ST3GAL2: variants seen among roughly 807,000 people sequenced by gnomAD.
The protein encoded by ST3GAL2 is CMP-N-acetylneuraminate-beta-galactosamide-alpha-2,3-sialyltransferase 2.
A neutral mutation model predicts 37.5 loss-of-function variants in ST3GAL2; 16 were observed. That is an observed-to-expected ratio of 0.43 (90% CI 0.29 to 0.65). The LOEUF (loss-of-function observed/expected upper bound fraction) is 0.65. Among genes scored for constraint, ST3GAL2 ranks in the 30% least tolerant of loss-of-function variants. The probability of loss-of-function intolerance (pLI) is 0.17; values close to 1 mark genes in which losing one functional copy is unlikely to be tolerated. For missense variants in ST3GAL2, 383 were observed against 487.8 expected (o/e 0.79, Z 2.02); for synonymous variants, 238 against 202.9 (o/e 1.17, Z -1.47).
intron 1 of ST3GAL2, among the ~76,000 whole-genome samples, chr16:70,402,283 C>CAAAAAAA (rs1042560583): frequency 4.9e-5 from 2 of 40,708 alleles, no homozygotes; most frequent in South Asian, 9.4e-4. Flanking sequence ...AACTATTTCT[C>CAAAAAAA]AAAAAAAAAA....
At chr16:70,417,184 G>C (rs1209925486) in intron 1 of ST3GAL2, among the ~76,000 whole-genome samples, 1 of 152,196 alleles carries the variant, frequency 6.6e-6, no homozygotes, top group East Asian at 1.9e-4. Context: ...CATGGCTATG[G>C]TCATGGGTTG....
chr16:70,395,231 G>A, intron 2 of ST3GAL2, 56 bp from the exon 3 acceptor site: 4 of 1,530,838 alleles, frequency 2.6e-6, no homozygotes, highest in Non-Finnish European at 3.5e-6. Flanking sequence ...TGTGAAGAAG[G>A]AGGGGCCCCG....
chr16:70,415,690 G>T (rs1373526506), intron 1 of ST3GAL2, among the ~76,000 whole-genome samples: 1 of 151,152 alleles, frequency 6.6e-6, no homozygotes, highest in Admixed American at 6.6e-5. Context: ...GACTTCAAGT[G>T]ATCTACCCAC....
rs562323073 is a variant in ST3GAL2, at chr16:70,414,673, TTC to T, written c.-1003-15142_-1003-15141del. On this transcript the variant is annotated intron_variant, in intron 1 of 6. Coordinates refer to ENST00000342907, the MANE Select transcript of ST3GAL2 (RefSeq NM_006927.4). Reference sequence around the variant, plus strand: ...GTTACTTTTCATTTCCAGGCCAAGATTCTGTTTGTTTATTTTTGAGATAGAGT... The same window carrying T: ...GTTACTTTTCATTTCCAGGCCAAGATTGTTTGTTTATTTTTGAGATAGAGT... Among the ~76,000 whole-genome samples, 464 of 152,136 alleles carry T rather than the reference TTC, an allele frequency of 3.0e-3. 6 individuals are homozygous for T. Among genetic ancestry groups the T allele is most frequent in the African/African-American group, 0.01 (433 of 41,510 alleles).
At chr16:70,407,494 T>A (rs1292510122) in intron 1 of ST3GAL2, among the ~76,000 whole-genome samples, 1 of 152,100 alleles carries the variant, frequency 6.6e-6, no homozygotes, top group Non-Finnish European at 1.5e-5. Context: ...GGGGAGACCA[T>A]TTATCAATAA....
Position 70,388,563 on chromosome 16 carries a change from G to A in ST3GAL2, c.534-17C>T. On this transcript the variant is annotated splice_polypyrimidine_tract_variant and intron_variant, in intron 3 of 6. Transcript: ENST00000342907. ...TGATTCATCCTGCAGGGACAAGAGGGTGACATGAGAATCAACTGCCATGGA... is the reference window on the plus strand; with the variant it reads ...TGATTCATCCTGCAGGGACAAGAGGATGACATGAGAATCAACTGCCATGGA... 1 of 1,549,254 alleles carries A rather than the reference G, an allele frequency of 6.5e-7. No individual in the cohort carries two copies.
intron 1 of ST3GAL2, among the ~76,000 whole-genome samples, chr16:70,418,643 C>T (rs575720654): frequency 3.3e-5 from 5 of 152,280 alleles, no homozygotes; most frequent in Admixed American, 2.0e-4. Context: ...CCTCCTTGAC[C>T]TTCACAGAAC....
At chr16:70,402,270 C>A (rs1041333143) in intron 1 of ST3GAL2, among the ~76,000 whole-genome samples, 1 of 102,958 alleles carries the variant, frequency 9.7e-6, no homozygotes, top group Non-Finnish European at 1.8e-5. Context: ...GCAACAAGAG[C>A]GAAACTATTT....
chr16:70,423,276 C>T lies in ST3GAL2; in HGVS notation c.-1004+15673G>A, dbSNP rs772966635. Among the ~76,000 whole-genome samples, 65 of 151,910 alleles carry T rather than the reference C, an allele frequency of 4.3e-4. 1 individual carries two copies. The highest frequency in any genetic ancestry group is 1.2e-4 in the African/African-American group (5 of 41,358). ...GTAATCCCAGCACTTTGGGAGGCTG[C>T]GTCCGGAAGATCACCTGAGGTCAGG... is the stretch of plus-strand genomic sequence containing the variant. On this transcript the variant is annotated intron_variant, in intron 1 of 6. Transcript: ENST00000342907.
At chr16:70,383,852 A>T (rs2151656403) in intron 4 of ST3GAL2, among the ~76,000 whole-genome samples, 2 of 151,274 alleles carry the variant, frequency 1.3e-5, no homozygotes, top group Middle Eastern at 6.8e-3. Context: ...CCAAGATAAA[A>T]TGGGAATGTT....
Position 70,376,547 on chromosome 16 carries a change from A to C in ST3GAL2, c.*5142T>G, listed in dbSNP as rs2047347044. The C allele has an allele frequency of 6.6e-6, 1 of 152,208 alleles. No individual in the cohort carries two copies. Among genetic ancestry groups the C allele is most frequent in the Non-Finnish European group, 1.5e-5 (1 of 68,024 alleles). The allele number at this position is 152,208 out of a possible 1,614,324, so 9.4% of individuals were successfully genotyped here. ...GGATTTTGTGGGTTGGTTGTTACCC[A>C]GGCATAGACTTGCTGCAGGAGCTGT... On this transcript the variant is annotated 3_prime_UTR_variant, in exon 7 of 7. Coordinates refer to ENST00000342907, the MANE Select transcript of ST3GAL2 (RefSeq NM_006927.4).
chr16:70,388,390 G>T lies in ST3GAL2; in HGVS notation c.690C>A (p.Ala230=), dbSNP rs1201100969. The T allele has an allele frequency of 1.2e-6, 2 of 1,614,074 alleles. No individual in the cohort carries two copies. The highest frequency in any genetic ancestry group is 1.3e-5 in the African/African-American group (1 of 74,922). ...ACAATCGGATCTGCCCCGTGGACAA[G>T]GCGCTGGCGATCCACAGAAGGTCCA... ...KVLDLLWIAS[A]LSTGQIRFTY... The change falls in exon 4 of 7, where the codon GCC becomes GCA. Residue 230 remains alanine, a synonymous_variant. Transcript: ENST00000342907.
intron 1 of ST3GAL2, among the ~76,000 whole-genome samples, chr16:70,417,338 C>T (rs993891597): frequency 1.3e-5 from 2 of 151,992 alleles, no homozygotes; most frequent in African/African-American, 4.8e-5. Flanking sequence ...AGGAACTCTC[C>T]TCCCTGGGGC....
intron 1 of ST3GAL2, among the ~76,000 whole-genome samples, chr16:70,431,439 C>T (rs543314618): frequency 6.6e-6 from 1 of 152,322 alleles, no homozygotes; most frequent in South Asian, 2.1e-4. Flanking sequence ...CCTCTCTGCC[C>T]CTGGGCCCCG....
chr16:70,410,775 TA>T (rs541984127), intron 1 of ST3GAL2, among the ~76,000 whole-genome samples: 106 of 142,944 alleles, frequency 7.4e-4, no homozygotes, highest in East Asian at 7.3e-3. Context: ...AGTTTTCTCT[TA>T]AAAAAAAAAA....
chr16:70,412,192 C>T (rs1454264920), intron 1 of ST3GAL2, among the ~76,000 whole-genome samples: 2 of 152,084 alleles, frequency 1.3e-5, no homozygotes, highest in African/African-American at 4.8e-5. Flanking sequence ...TTTATTTTAC[C>T]TCATTCTTGA....
intron 1 of ST3GAL2, among the ~76,000 whole-genome samples, chr16:70,421,432 G>A (rs1424088293): frequency 1.3e-5 from 2 of 152,166 alleles, no homozygotes; most frequent in African/African-American, 2.4e-5. Context: ...CTGCCCTCCT[G>A]GATCTGGCCT....
At chr16:70,384,524 G>T (rs893021164) in intron 4 of ST3GAL2, among the ~76,000 whole-genome samples, 1 of 151,812 alleles carries the variant, frequency 6.6e-6, no homozygotes, top group South Asian at 2.1e-4. Flanking sequence ...GGCCAACATG[G>T]TAAAACCCTG....
rs758490808 is a variant in ST3GAL2, at chr16:70,395,241, G to A, written c.340-66C>T. 1,212 of 1,450,416 alleles carry A rather than the reference G, an allele frequency of 8.4e-4. 4 individuals carry two copies. Among genetic ancestry groups the A allele is most frequent in the Non-Finnish European group, 9.7e-4 (1,039 of 1,067,536 alleles). 89.8% of individuals were successfully genotyped at this position (1,450,416 alleles called of 1,614,324 possible). A position where few individuals can be genotyped will look rare whatever the true frequency, so the allele number is the denominator to read the frequency against. The stretch of plus-strand genomic sequence containing the variant: ...AGGTGTGTGAAGAAGGAGGGGCCCC[G>A]GCCTCCCCTCCTCTGCCCTCACTAT... On this transcript the variant is annotated intron_variant, in intron 2 of 6. Coordinates refer to ENST00000342907, the MANE Select transcript of ST3GAL2 (RefSeq NM_006927.4).
Sources: allele counts gnomAD v4.1 joint callset (sites outside exome capture counted in the v4.1 genomes callset), GRCh38; gene constraint gnomAD v4.1.1; transcripts MANE v1.5; gene names NCBI Gene and HGNC (gene_info 2026-07-23, HGNC 2026-07-21).